Variants in MARCHF1 observed in about 807,000 individuals in gnomAD.
MARCHF1 encodes E3 ubiquitin-protein ligase MARCHF1.
A neutral mutation model predicts 54.2 loss-of-function variants in MARCHF1; 40 were observed. The observed-to-expected ratio is 0.74, with a 90% CI of 0.57 to 0.96. MARCHF1 has a LOEUF of 0.96. MARCHF1 is among the 40% of genes least tolerant of loss of function. The pLI is 0.00. For synonymous variants in MARCHF1, 236 were observed against 236.3 expected (o/e 1.00, Z 0.01); for missense variants, 586 against 656.5 (o/e 0.89, Z 1.17).
chr4:164,308,836 A>G (rs1395205737), intron 1 of MARCHF1, among the ~76,000 whole-genome samples: 1 of 152,054 alleles, frequency 6.6e-6, no homozygotes, highest in African/African-American at 2.4e-5. Context: ...GAAAAGCAGA[A>G]AAAAATAACT....
At chr4:164,152,162 A>T (rs1038338668) in intron 1 of MARCHF1, among the ~76,000 whole-genome samples, 1 of 152,226 alleles carries the variant, frequency 6.6e-6, no homozygotes, top group African/African-American at 2.4e-5. Flanking sequence ...ACATATATAC[A>T]TACATAAAGG....
Position 163,700,831 on chromosome 4 carries a change from T to C in MARCHF1, c.144A>G (p.Arg48=), listed in dbSNP as rs1744789751. The change falls in exon 5 of 10, where the codon CGA becomes CGG. Residue 48 remains arginine, a synonymous_variant. Transcript: ENST00000514618. ...NEKSPGRSAS[R]SSNISKASSP... The stretch of plus-strand genomic sequence containing the variant: ...CACCTACTTTTGAAATGTTACTTGA[T>C]CGACTTGCAGATCGCCCTGGGGATT... 1 of 1,536,502 alleles carries C rather than the reference T, an allele frequency of 6.5e-7. No homozygotes were observed. The highest frequency in any genetic ancestry group is 8.7e-7 in the Non-Finnish European group (1 of 1,146,452).
chr4:163,944,013 G>T (rs957254417), intron 3 of MARCHF1, among the ~76,000 whole-genome samples: 2 of 151,844 alleles, frequency 1.3e-5, no homozygotes, highest in Non-Finnish European at 2.9e-5. Flanking sequence ...TATCACCCAG[G>T]CTGGAGTGCA....
chr4:163,707,381 A>G (rs1425914959), intron 4 of MARCHF1, among the ~76,000 whole-genome samples: 1 of 152,108 alleles, frequency 6.6e-6, no homozygotes, highest in African/African-American at 2.4e-5. Flanking sequence ...TAAGGAATCA[A>G]ATAGAAAACA....
At chr4:163,940,236 T>G (rs1010955608) in intron 3 of MARCHF1, among the ~76,000 whole-genome samples, 1 of 152,128 alleles carries the variant, frequency 6.6e-6, no homozygotes, top group African/African-American at 2.4e-5. Context: ...ACTAACTTTA[T>G]GATGTTCTAT....
intron 5 of MARCHF1, among the ~76,000 whole-genome samples, chr4:163,698,660 T>C (rs1744709176): frequency 6.6e-6 from 1 of 152,206 alleles, no homozygotes; most frequent in Non-Finnish European, 1.5e-5. Flanking sequence ...ACTGTGGATT[T>C]TTTTGATTTC....
intron 1 of MARCHF1, among the ~76,000 whole-genome samples, chr4:164,121,629 A>T (rs1183868931): frequency 6.6e-6 from 1 of 152,158 alleles, no homozygotes; most frequent in Non-Finnish European, 1.5e-5. Flanking sequence ...GCACAATTAA[A>T]GATGAGATTT....
At chr4:164,220,747 C>CTATATATGTAATATATATGA (rs1353602804) in intron 1 of MARCHF1, among the ~76,000 whole-genome samples, 12 of 142,218 alleles carry the variant, frequency 8.4e-5, no homozygotes, top group Non-Finnish European at 1.8e-4. Flanking sequence ...AATATATATG[C>CTATATATGTAATATATATGA]TATATATGTA....
intron 1 of MARCHF1, among the ~76,000 whole-genome samples, chr4:164,117,539 T>C (rs1182460307): frequency 6.6e-6 from 1 of 152,014 alleles, no homozygotes; most frequent in Non-Finnish European, 1.5e-5. Flanking sequence ...CCATATTCCA[T>C]AGCACAATTG....
chr4:163,729,245 T>C (rs1237939233), intron 4 of MARCHF1, among the ~76,000 whole-genome samples: 4 of 152,132 alleles, frequency 2.6e-5, no homozygotes, highest in Non-Finnish European at 5.9e-5. Context: ...TTTTGTTTTT[T>C]TGTTTCAATG....
At chr4:163,606,020 C>T (rs1052689092) in intron 7 of MARCHF1, among the ~76,000 whole-genome samples, 11 of 151,968 alleles carry the variant, frequency 7.2e-5, no homozygotes, top group African/African-American at 2.2e-4. Context: ...CAAACCTGCA[C>T]GTTCTGCACA....
intron 2 of MARCHF1, among the ~76,000 whole-genome samples, chr4:164,052,529 CAA>C (rs375832848): frequency 1.4e-5 from 2 of 145,142 alleles, no homozygotes; most frequent in Non-Finnish European, 3.0e-5. Flanking sequence ...GACTTCGTCT[CAA>C]AAAAAAAAGA....
At chr4:163,988,989 G>A (rs1408636145) in intron 2 of MARCHF1, 1 of 152,232 alleles carries the variant, frequency 6.6e-6, no homozygotes, top group East Asian at 1.9e-4. Context: ...AGGTCTCACA[G>A]GCCCTTATTA....
At chr4:164,356,156 G>C (rs11100547) in intron 1 of MARCHF1, among the ~76,000 whole-genome samples, 1 of 82,438 alleles carries the variant, frequency 1.2e-5, no homozygotes. Context: ...GAACACTTTT[G>C]CACTGTTGGT....
At chr4:164,351,754 G>A in intron 1 of MARCHF1, among the ~76,000 whole-genome samples, 1 of 152,106 alleles carries the variant, frequency 6.6e-6, no homozygotes, top group Non-Finnish European at 1.5e-5. Flanking sequence ...GAACAAAGCT[G>A]GATGGAGAAT....
chr4:163,700,466 C>T (rs1234048605), intron 5 of MARCHF1, among the ~76,000 whole-genome samples: 3 of 148,996 alleles, frequency 2.0e-5, no homozygotes, highest in East Asian at 4.0e-4. Flanking sequence ...GATCTCACCA[C>T]TGCATACCAG....
chr4:163,632,810 A>C (rs1379535949), intron 5 of MARCHF1, among the ~76,000 whole-genome samples: 5 of 152,218 alleles, frequency 3.3e-5, no homozygotes, highest in Non-Finnish European at 5.9e-5. Context: ...AGACAAACAA[A>C]AAGACAGCAG....
chr4:164,235,488 T>TTA (rs1244660335), intron 1 of MARCHF1, among the ~76,000 whole-genome samples: 3 of 152,140 alleles, frequency 2.0e-5, no homozygotes. Flanking sequence ...GTTTACTTCT[T>TTA]AAGTTCTAGT....
At chr4:164,004,111 A>T (rs1163957833) in intron 2 of MARCHF1, among the ~76,000 whole-genome samples, 3 of 152,058 alleles carry the variant, frequency 2.0e-5, no homozygotes, top group Admixed American at 6.6e-5. Flanking sequence ...CAGGAAGGGG[A>T]ACAACACACA....
Sources: gnomAD v4.1 joint callset for allele counts (sites outside exome capture counted in the v4.1 genomes callset) on GRCh38, gnomAD v4.1.1 for gene constraint, MANE v1.5 for transcripts, NCBI Gene and HGNC (gene_info 2026-07-23, HGNC 2026-07-21) for gene names.